Variants in MAP2 observed in about 807,000 individuals in gnomAD.
MAP2 encodes the protein microtubule-associated protein 2.
In MAP2, 14 loss-of-function variants were observed where a neutral mutation model predicts 137.6. The ratio of observed to expected loss-of-function variants is 0.10; its 90% CI spans 0.07 to 0.16. The LOEUF (loss-of-function observed/expected upper bound fraction) is 0.16. MAP2 is among the 10% of genes least tolerant of loss of function. The pLI is 1.00. For missense variants in MAP2, 2,088 were observed against 2,191.5 expected (o/e 0.95, Z 0.94); for synonymous variants, 786 against 782.3 (o/e 1.00, Z -0.08).
At chr2:209,553,263 G>A (rs982009058) in intron 2 of MAP2, among the ~76,000 whole-genome samples, 7 of 151,936 alleles carry the variant, frequency 4.6e-5, no homozygotes, top group Admixed American at 1.3e-4. Context: ...CACCAGCCTC[G>A]GCCTCCCAAA....
chr2:209,652,086 A>G (rs1328918185), intron 4 of MAP2, among the ~76,000 whole-genome samples: 2 of 152,182 alleles, frequency 1.3e-5, no homozygotes, highest in Admixed American at 1.3e-4. Flanking sequence ...AGCCATCAAT[A>G]AGGCTGCATG....
chr2:209,572,028 A>G (rs1457825929), intron 2 of MAP2, among the ~76,000 whole-genome samples: 1 of 152,024 alleles, frequency 6.6e-6, no homozygotes, highest in East Asian at 1.9e-4. Flanking sequence ...AAGATGGTGC[A>G]TAATCCAAAA....
In MAP2 at chr2:209,528,846, A is replaced by ATG. The variant is rs543917768; in HGVS notation, c.-172+21215_-172+21216dup. Among the ~76,000 whole-genome samples, 20 of 146,266 alleles carry ATG rather than the reference A, an allele frequency of 1.4e-4. No individual in the cohort carries two copies. The South Asian group carries it at 1.8e-3, about 13-fold the overall frequency. ...TATATGTACATATGTATGTATATAT[A>ATG]TGTGTGTGTGTATATGTGTGTGTAT... On this transcript the variant is annotated intron_variant, in intron 2 of 15. Coordinates refer to ENST00000682079, the MANE Select transcript of MAP2 (RefSeq NM_001375505.1).
At chr2:209,434,230 G>T (rs1695091498) in intron 1 of MAP2, among the ~76,000 whole-genome samples, 1 of 151,890 alleles carries the variant, frequency 6.6e-6, no homozygotes, top group Non-Finnish European at 1.5e-5. Context: ...AATACACTTT[G>T]CAGACATTTG....
intron 2 of MAP2, among the ~76,000 whole-genome samples, chr2:209,509,041 G>GAGTTAA (rs1374149223): frequency 6.6e-6 from 1 of 151,776 alleles, no homozygotes; most frequent in East Asian, 1.9e-4. Flanking sequence ...TCAATGCACA[G>GAGTTAA]AGTTAAGTTT....
intron 4 of MAP2, among the ~76,000 whole-genome samples, chr2:209,643,697 T>A (rs1317593031): frequency 6.6e-6 from 1 of 152,130 alleles, no homozygotes; most frequent in African/African-American, 2.4e-5. Context: ...AAGTAGATTT[T>A]TTTTAACCAT....
chr2:209,612,138 T>C (rs75321603), intron 3 of MAP2, among the ~76,000 whole-genome samples: 2,034 of 152,290 alleles, frequency 0.013, 33 homozygotes, highest in Non-Finnish European at 0.018. Flanking sequence ...AGCGCCTTTA[T>C]TGGGCATTAA....
At chr2:209,706,740 C>T (rs2063549755) in intron 12 of MAP2, among the ~76,000 whole-genome samples, 1 of 152,080 alleles carries the variant, frequency 6.6e-6, no homozygotes, top group Non-Finnish European at 1.5e-5. Context: ...GTGGAAATTG[C>T]TACCACTATC....
At chr2:209,729,993 CTT>C (rs11389149) in intron 15 of MAP2, 31 bp downstream of exon 15, 34 of 1,431,564 alleles carry the variant, frequency 2.4e-5, no homozygotes, top group Non-Finnish European at 2.9e-5. Flanking sequence ...CCAATCTTGT[CTT>C]TTTAAAAAAA....
chr2:209,512,321 G>T (rs1190938787), intron 2 of MAP2, among the ~76,000 whole-genome samples: 1 of 151,678 alleles, frequency 6.6e-6, no homozygotes, highest in Admixed American at 6.6e-5. Context: ...TGCAAAAAAA[G>T]ACTCTTAGAA....
chr2:209,731,872 A>T lies in MAP2; in HGVS notation c.*1475A>T, dbSNP rs2075822801. Reference sequence around the variant, plus strand: ...TTTTTTTCCAAGACTCCAACATTGCACTCTGTAAAGTAACACACTGTGATC... The same window carrying T: ...TTTTTTTCCAAGACTCCAACATTGCTCTCTGTAAAGTAACACACTGTGATC... On this transcript the variant is annotated 3_prime_UTR_variant, in exon 16 of 16. Transcript: ENST00000682079. 1 of 151,998 alleles carries T rather than the reference A, an allele frequency of 6.6e-6. No individual in the cohort carries two copies. The highest frequency in any genetic ancestry group is 2.4e-5 in the African/African-American group (1 of 41,370). 9.4% of individuals were successfully genotyped at this position (151,998 alleles called of 1,614,324 possible).
chr2:209,545,906 C>T (rs964167055), intron 2 of MAP2, among the ~76,000 whole-genome samples: 10 of 152,118 alleles, frequency 6.6e-5, no homozygotes, highest in Admixed American at 5.2e-4. Context: ...TTTGGGAGGC[C>T]GAGGCGGGCG....
intron 3 of MAP2, among the ~76,000 whole-genome samples, chr2:209,606,524 C>CA (rs931572927): frequency 3.3e-5 from 5 of 150,708 alleles, no homozygotes; most frequent in Admixed American, 2.0e-4. Context: ...AACCTTGTCT[C>CA]AAAAAAAGGA....
At chr2:209,704,194 TATAA>T (rs2062655207) in intron 11 of MAP2, among the ~76,000 whole-genome samples, 1 of 152,056 alleles carries the variant, frequency 6.6e-6, no homozygotes, top group Non-Finnish European at 1.5e-5. Flanking sequence ...AGCTCCCACT[TATAA>T]ATGAGAACAT....
At chr2:209,500,270 A>G (rs1050387075) in intron 1 of MAP2, among the ~76,000 whole-genome samples, 2 of 152,214 alleles carry the variant, frequency 1.3e-5, no homozygotes, top group Admixed American at 1.3e-4. Flanking sequence ...TCAGATTGTC[A>G]TTCAAGGTCA....
chr2:209,575,227 A>G (rs1453141865), intron 2 of MAP2, among the ~76,000 whole-genome samples: 2 of 152,112 alleles, frequency 1.3e-5, no homozygotes, highest in African/African-American at 4.8e-5. Flanking sequence ...ATTACAAAAT[A>G]TATGGCAAGG....
Position 209,710,233 on chromosome 2 carries a change from A to G in MAP2, c.5052A>G (p.Lys1684=). Residue 1684 remains lysine (K), a synonymous_variant, in exon 13 of 16, where the codon AAA becomes AAG. Coordinates refer to ENST00000682079, the MANE Select transcript of MAP2 (RefSeq NM_001375505.1). ...AAATCGGATCAACAGACAACATCAA[A>G]TACCAGCCTAAAGGGGGGCAGGTAA... The part of the protein sequence containing the change: ...KSKIGSTDNI[K]YQPKGGQVQI... The G allele has an allele frequency of 1.9e-6, 3 of 1,582,938 alleles. No individual in the cohort carries two copies. Among genetic ancestry groups the G allele is most frequent in the Non-Finnish European group, 1.7e-6 (2 of 1,163,404 alleles).
intron 3 of MAP2, among the ~76,000 whole-genome samples, chr2:209,582,472 T>A (rs2076653052): frequency 6.6e-6 from 1 of 152,132 alleles, no homozygotes; most frequent in Non-Finnish European, 1.5e-5. Flanking sequence ...GGACGCTTCC[T>A]AAATACTACT....
intron 5 of MAP2, among the ~76,000 whole-genome samples, chr2:209,677,792 A>G (rs556574832): frequency 4.5e-4 from 69 of 152,108 alleles, no homozygotes; most frequent in African/African-American, 1.6e-3. Context: ...AGATGATTTG[A>G]TGTCATATGG....
Sources: allele counts gnomAD v4.1 joint callset (sites outside exome capture counted in the v4.1 genomes callset), GRCh38; gene constraint gnomAD v4.1.1; transcripts MANE v1.5; gene names NCBI Gene and HGNC (gene_info 2026-07-23, HGNC 2026-07-21).